ANKRD30B: variants seen among roughly 807,000 people sequenced by gnomAD.
The protein encoded by ANKRD30B is ankyrin repeat domain 30B.
ANKRD30B carries 144 observed loss-of-function variants against 202.2 expected under a neutral mutation model. The ratio of observed to expected loss-of-function variants is 0.71; its 90% confidence interval spans 0.62 to 0.82. The LOEUF is 0.82. ANKRD30B is among the 40% of genes least tolerant of loss of function. The pLI, the probability that ANKRD30B is intolerant of heterozygous loss-of-function variation, is 0.00. For missense variants in ANKRD30B, 1,487 were observed against 1,669.1 expected, an observed-to-expected ratio of 0.89 and a Z score of 1.90; for synonymous variants, 508 against 561.3, an observed-to-expected ratio of 0.91 and a Z score of 1.34.
chr18:14,829,154 A>G (rs1222995767), intron 33 of ANKRD30B, among the ~76,000 whole-genome samples: 1 of 152,016 alleles, frequency 6.6e-6, no homozygotes, highest in Non-Finnish European at 1.5e-5. Flanking sequence ...TCTTTCTGCC[A>G]GCCCCATTTT....
In ANKRD30B at chr18:14,793,759, C is replaced by T. The variant is rs567100313; in HGVS notation, c.1825+2268C>T. On this transcript the variant is annotated intron_variant, in intron 16 of 43. Coordinates refer to ENST00000690538, the MANE Select transcript of ANKRD30B (RefSeq NM_001367607.2). Reference sequence around the variant, plus strand: ...AATACAAAAAATTAGCCGGGCGTGGCGGTGGGTGCCTGTAGTCCCAGCCAC... The same window carrying T: ...AATACAAAAAATTAGCCGGGCGTGGTGGTGGGTGCCTGTAGTCCCAGCCAC... Among the ~76,000 whole-genome samples the T allele has an allele frequency of 5.9e-5, 9 of 151,644 alleles. No homozygotes were observed. The South Asian group carries it at 6.2e-4, about 11-fold the overall frequency.
chr18:14,781,578 A>G (rs760683431), intron 11 of ANKRD30B, among the ~76,000 whole-genome samples: 3 of 152,272 alleles, frequency 2.0e-5, no homozygotes, highest in Non-Finnish European at 4.4e-5. Flanking sequence ...TATAATCATG[A>G]ATATTTTCCA....
Position 14,799,134 on chromosome 18 carries a change from T to C in ANKRD30B, c.2058+5T>C, listed in dbSNP as rs1206341711. On this transcript the variant is annotated splice_donor_5th_base_variant and intron_variant, in intron 21 of 43. Coordinates refer to ENST00000690538, the MANE Select transcript of ANKRD30B (RefSeq NM_001367607.2). Reference sequence around the variant, plus strand: ...GATAATGATGGTCTTCTGAAGGTAATAACTTTTATATTTTTATCTTGAATA... The same window carrying C: ...GATAATGATGGTCTTCTGAAGGTAACAACTTTTATATTTTTATCTTGAATA... The C allele has an allele frequency of 6.3e-7, 1 of 1,580,452 alleles. No individual in the cohort carries two copies.
chr18:14,823,783 G>T (rs1200321773), intron 32 of ANKRD30B, among the ~76,000 whole-genome samples: 2 of 152,132 alleles, frequency 1.3e-5, no homozygotes, highest in Non-Finnish European at 2.9e-5. Flanking sequence ...AGACCAGCCT[G>T]GTCAACATAG....
At position 14,782,551 on chromosome 18, in the gene ANKRD30B, A is replaced by T. The variant is rs775598842; in HGVS notation, c.1507A>T (p.Thr503Ser). 6.3e-7 allele frequency: 1 copy of T among 1,591,598 alleles called. No homozygotes were observed. Among genetic ancestry groups the T allele is most frequent in the East Asian group, 2.3e-5 (1 of 43,998 alleles). The change falls in exon 12 of 44, where the codon ACT becomes TCT. Residue 503 changes from threonine to serine, a missense_variant. Coordinates refer to ENST00000690538, the MANE Select transcript of ANKRD30B (RefSeq NM_001367607.2). ...SGSLFESSAK[T>S]QVCIPESMYQ... ...GAGTCTCTTTGAGAGTTCTGCAAAG[A>T]CTCAAGTGTGTATACCTGAGTCTAT...
At chr18:14,793,880 C>T (rs558880146) in intron 16 of ANKRD30B, among the ~76,000 whole-genome samples, 43 of 150,122 alleles carry the variant, frequency 2.9e-4, no homozygotes, top group African/African-American at 1.0e-3. Flanking sequence ...GGCGACAGGG[C>T]GAGACACCGA....
the ANKRD30B span, among the ~76,000 whole-genome samples, chr18:14,888,152 AT>A: frequency 1.3e-5 from 2 of 151,818 alleles, no homozygotes; most frequent in African/African-American, 2.4e-5. Context: ...TTCATAATAG[AT>A]TTTTTTGAGA....
chr18:14,917,521 G>T, the ANKRD30B span, among the ~76,000 whole-genome samples: 1 of 152,172 alleles, frequency 6.6e-6, no homozygotes, highest in South Asian at 2.1e-4. Context: ...AGCCATTTAG[G>T]CAGGTCCTCA....
At chr18:14,861,510 TAAA>T in the ANKRD30B span, among the ~76,000 whole-genome samples, 9 of 149,678 alleles carry the variant, frequency 6.0e-5, no homozygotes, top group African/African-American at 2.2e-4. Context: ...CTAACAACAG[TAAA>T]AAGAAATACA....
intron 7 of ANKRD30B, among the ~76,000 whole-genome samples, chr18:14,768,578 C>T (rs549217541): frequency 2.6e-5 from 4 of 152,172 alleles, no homozygotes; most frequent in African/African-American, 4.8e-5. Flanking sequence ...GGACAACTTG[C>T]TGGTTTCTGC....
the ANKRD30B span, among the ~76,000 whole-genome samples, chr18:14,908,040 C>G: frequency 6.6e-6 from 1 of 152,076 alleles, no homozygotes; most frequent in African/African-American, 2.4e-5. Context: ...ATGGTTGATG[C>G]TTTTATACCA....
At chr18:14,880,566 G>GTT in the ANKRD30B span, among the ~76,000 whole-genome samples, 46,730 of 128,704 alleles carry the variant, frequency 0.36, 10,226 homozygotes, top group East Asian at 0.55. Flanking sequence ...TTCTTTCTTG[G>GTT]TTTTTTTTTT....
At chr18:14,843,968 A>C (rs1275314737) in intron 39 of ANKRD30B, among the ~76,000 whole-genome samples, 4 of 152,206 alleles carry the variant, frequency 2.6e-5, no homozygotes, top group Admixed American at 6.5e-5. Context: ...TGCATGCTTA[A>C]AAATTATACA....
At chr18:14,912,331 A>T in the ANKRD30B span, among the ~76,000 whole-genome samples, 3 of 152,190 alleles carry the variant, frequency 2.0e-5, no homozygotes, top group African/African-American at 4.8e-5. Flanking sequence ...ATCATGAAAG[A>T]ATGCTGAATT....
chr18:14,868,024 G>T, the ANKRD30B span, among the ~76,000 whole-genome samples: 527 of 152,340 alleles, frequency 3.5e-3, 3 homozygotes, highest in Middle Eastern at 0.014. Context: ...TCCTATGGTT[G>T]TGGCAGCCAT....
the ANKRD30B span, among the ~76,000 whole-genome samples, chr18:14,868,355 T>A: frequency 6.6e-6 from 1 of 152,410 alleles, no homozygotes; most frequent in South Asian, 2.1e-4. Flanking sequence ...CTCCTTCTGC[T>A]GGCATCTGAG....
chr18:14,910,869 T>C, the ANKRD30B span, among the ~76,000 whole-genome samples: 1 of 152,202 alleles, frequency 6.6e-6, no homozygotes, highest in Non-Finnish European at 1.5e-5. Flanking sequence ...TGCATTTCTC[T>C]AATGATTAGT....
rs1968893405 is a variant in ANKRD30B at position 14,796,373 on chromosome 18, A to T, written c.1885A>T (p.Asn629Tyr). Residue 629 changes from asparagine to tyrosine, a missense_variant, in exon 18 of 44, where the codon AAT becomes TAT. Asn to Tyr is a moderately radical substitution (Grantham distance 143, BLOSUM62 -2). Around this residue, in one of 6 missense-constraint regions of ANKRD30B, gnomAD observed 889 missense variants for 841.4 expected, o/e 1.06. Coordinates refer to ENST00000690538, the MANE Select transcript of ANKRD30B (RefSeq NM_001367607.2). ...CTGTGGAAGGAAAGTTTCTCTTCCA[A>T]ATAAAGCCTTAGAATTAAAGGACAG... ...PTCGRKVSLP[N>Y]KALELKDRET... 6.4e-7 allele frequency: 1 copy of T among 1,568,662 alleles called. No homozygotes were observed. The highest frequency in any genetic ancestry group is 1.2e-5 in the South Asian group (1 of 86,876).
rs1345293766 is a variant in ANKRD30B, at chr18:14,748,489, C to T, written c.70C>T (p.Arg24Trp). 5 of 1,546,712 alleles carry T rather than the reference C, an allele frequency of 3.2e-6. No individual in the cohort carries two copies. Among genetic ancestry groups the T allele is most frequent in the South Asian group, 1.2e-5 (1 of 83,534 alleles). Residue 24 changes from arginine (R) to tryptophan (W), a missense_variant, in exon 1 of 44, where the codon CGG (arginine) becomes TGG (tryptophan). By Grantham distance (101) the Arg-to-Trp change is moderately radical. Coordinates refer to ENST00000690538, the MANE Select transcript of ANKRD30B (RefSeq NM_001367607.2). ...GPEPPNPFSE[R>W]VYTEKDYGTI... ...GGAGCCCCCGAACCCCTTCAGCGAA[C>T]GGGTCTACACTGAGAAGGACTACGG...
Sources: gnomAD v4.1 joint callset for allele counts (sites outside exome capture counted in the v4.1 genomes callset) on GRCh38, gnomAD v4.1.1 for gene constraint, gnomAD v4.1.1 regional missense constraint, MANE v1.5 for transcripts, NCBI Gene and HGNC (gene_info 2026-07-23, HGNC 2026-07-21) for gene names.